The following DOCK3 variants were observed in gnomAD, a reference collection of about 807,000 sequenced individuals.
DOCK3 encodes dedicator of cytokinesis protein 3.
Under a neutral mutation model 265.6 loss-of-function variants are expected in DOCK3, and 60 were observed. That is an observed-to-expected ratio of 0.23 (90% CI 0.18 to 0.28). The LOEUF (loss-of-function observed/expected upper bound fraction) is 0.28. Among genes scored for constraint, DOCK3 ranks in the 10% least tolerant of loss-of-function variants. DOCK3 has a pLI of 1.00. For synonymous variants in DOCK3, 881 were observed against 938.0 expected, an observed-to-expected ratio of 0.94 and a Z score of 1.11; for missense variants, 1,981 against 2,594.3, an observed-to-expected ratio of 0.76 and a Z score of 5.14.
At chr3:51,351,069 C>T (rs941812103) in intron 40 of DOCK3, among the ~76,000 whole-genome samples, 8 of 152,324 alleles carry the variant, frequency 5.3e-5, no homozygotes, top group African/African-American at 1.9e-4. Flanking sequence ...GATCTACTGA[C>T]ACCAGTTGTG....
intron 9 of DOCK3, among the ~76,000 whole-genome samples, chr3:51,125,682 G>A (rs2084234296): frequency 1.3e-5 from 2 of 152,132 alleles, no homozygotes; most frequent in Non-Finnish European, 2.9e-5. Flanking sequence ...GACAAATATA[G>A]AGGAGTATGT....
chr3:51,222,838 A>T (rs2090161171), intron 14 of DOCK3, among the ~76,000 whole-genome samples: 3 of 152,248 alleles, frequency 2.0e-5, no homozygotes, highest in African/African-American at 7.2e-5. Context: ...CTGGCATTTT[A>T]CCTTAAAATG....
At position 50,850,923 on chromosome 3, in the gene DOCK3, G is replaced by A. The variant is rs114388898; in HGVS notation, c.162+9208G>A. On this transcript the variant is annotated intron_variant, in intron 3 of 52. Transcript: ENST00000266037. The stretch of plus-strand genomic sequence containing the variant: ...CTGGCAGAAGTCTCTCTTGCTTCAG[G>A]CAGTAGACTGATTCATGAAATACAC... Among the ~76,000 whole-genome samples the A allele has an allele frequency of 7.5e-3, 1,148 of 152,322 alleles. 5 individuals are homozygous for A. Among genetic ancestry groups the A allele is most frequent in the Admixed American group, 0.015 (237 of 15,296 alleles).
At chr3:51,199,689 G>A (rs1357944684) in intron 12 of DOCK3, among the ~76,000 whole-genome samples, 1 of 152,168 alleles carries the variant, frequency 6.6e-6, no homozygotes, top group Non-Finnish European at 1.5e-5. Context: ...GAGAGCAGTG[G>A]TTCTCCCAGC....
chr3:50,992,672 T>C (rs1273565312), intron 5 of DOCK3, among the ~76,000 whole-genome samples: 1 of 152,152 alleles, frequency 6.6e-6, no homozygotes, highest in East Asian at 1.9e-4. Flanking sequence ...AGAGAAGATT[T>C]AGATAAATGT....
At chr3:51,307,833 G>A (rs369777258) in intron 27 of DOCK3, among the ~76,000 whole-genome samples, 19 of 149,340 alleles carry the variant, frequency 1.3e-4, no homozygotes, top group East Asian at 5.9e-4. Context: ...TGGTTTGCCC[G>A]AAATGACATG....
chr3:50,808,274 A>G (rs1243667890), intron 2 of DOCK3, among the ~76,000 whole-genome samples: 1 of 152,242 alleles, frequency 6.6e-6, no homozygotes, highest in Non-Finnish European at 1.5e-5. Flanking sequence ...TAAAGATGCC[A>G]GTTCTCTCCA....
intron 3 of DOCK3, among the ~76,000 whole-genome samples, chr3:50,844,510 C>T (rs566790375): frequency 6.6e-6 from 1 of 152,222 alleles, no homozygotes; most frequent in African/African-American, 2.4e-5. Context: ...CATGAGCCAC[C>T]GTGCCTGGCC....
intron 12 of DOCK3, among the ~76,000 whole-genome samples, chr3:51,195,604 G>A (rs899569939): frequency 3.3e-5 from 5 of 152,018 alleles, no homozygotes; most frequent in Admixed American, 3.3e-4. Context: ...TTTTAATAGA[G>A]ACGGGATGTC....
chr3:51,287,806 A>T (rs768396411), intron 27 of DOCK3, among the ~76,000 whole-genome samples: 10 of 152,162 alleles, frequency 6.6e-5, no homozygotes, highest in Non-Finnish European at 1.2e-4. Context: ...GAAAATAAAT[A>T]ATTCTACCAT....
chr3:51,153,974 A>G (rs906339067), intron 10 of DOCK3, among the ~76,000 whole-genome samples: 2 of 152,352 alleles, frequency 1.3e-5, no homozygotes, highest in Admixed American at 6.5e-5. Context: ...ATCAAAACCT[A>G]TTGGATAGTT....
At chr3:51,371,439 G>C (rs2087668789) in intron 49 of DOCK3, among the ~76,000 whole-genome samples, 1 of 152,210 alleles carries the variant, frequency 6.6e-6, no homozygotes, top group African/African-American at 2.4e-5. Context: ...CTGGAGAAAG[G>C]TGCAGGTCCT....
intron 1 of DOCK3, among the ~76,000 whole-genome samples, chr3:50,715,400 A>G (rs1375708420): frequency 3.3e-5 from 5 of 151,990 alleles, no homozygotes; most frequent in Non-Finnish European, 7.4e-5. Flanking sequence ...AAAATACAAA[A>G]ATTAGCTAGG....
At chr3:50,706,829 A>G (rs1294888616) in intron 1 of DOCK3, among the ~76,000 whole-genome samples, 1 of 151,888 alleles carries the variant, frequency 6.6e-6, no homozygotes, top group Non-Finnish European at 1.5e-5. Flanking sequence ...GAAAAGAGAC[A>G]AGTTCTGAAT....
intron 23 of DOCK3, among the ~76,000 whole-genome samples, chr3:51,267,031 A>G (rs1576597299): frequency 6.6e-6 from 1 of 152,228 alleles, no homozygotes; most frequent in Non-Finnish European, 1.5e-5. Flanking sequence ...ACTTCTCAAA[A>G]GAAGACATTT....
intron 1 of DOCK3, among the ~76,000 whole-genome samples, chr3:50,711,576 A>G (rs561004826): frequency 7.9e-5 from 12 of 152,078 alleles, no homozygotes; most frequent in Non-Finnish European, 1.6e-4. Flanking sequence ...CCTTTTTAAT[A>G]TTGCTGGTAA....
chr3:50,676,280 G>C (rs1487986524), intron 1 of DOCK3, among the ~76,000 whole-genome samples: 1 of 152,170 alleles, frequency 6.6e-6, no homozygotes, highest in Non-Finnish European at 1.5e-5. Flanking sequence ...AAACTGCAGT[G>C]GTAACGAATG....
chr3:50,679,901 T>C (rs566868469), intron 1 of DOCK3, among the ~76,000 whole-genome samples: 13 of 152,246 alleles, frequency 8.5e-5, no homozygotes, highest in Non-Finnish European at 1.8e-4. Context: ...TTCATGATTC[T>C]ACTTGAGCTT....
intron 5 of DOCK3, among the ~76,000 whole-genome samples, chr3:51,002,164 A>G (rs1274797010): frequency 2.0e-5 from 3 of 151,834 alleles, no homozygotes; most frequent in East Asian, 1.9e-4. Context: ...GCCCAAGCTG[A>G]TTTCAAACTC....
Sources: gnomAD v4.1 joint callset for allele counts (sites outside exome capture counted in the v4.1 genomes callset) on GRCh38, gnomAD v4.1.1 for gene constraint, MANE v1.5 for transcripts, NCBI Gene and HGNC (gene_info 2026-07-23, HGNC 2026-07-21) for gene names.